Variants in RHOA observed in about 807,000 individuals in gnomAD.
RHOA encodes transforming protein RhoA.
RHOA carries 3 observed loss-of-function variants against 17.5 expected under a neutral mutation model. That is an observed-to-expected ratio of 0.17 (90% confidence interval 0.08 to 0.44). RHOA has a LOEUF of 0.44. RHOA is among the 20% of genes least tolerant of loss of function. The pLI, the probability that RHOA is intolerant of heterozygous loss-of-function variation, is 0.99. For synonymous variants in RHOA, 98 were observed against 88.4 expected (o/e 1.11, Z -0.61); for missense variants, 56 against 242.3 (o/e 0.23, Z 5.10).
intron 1 of RHOA, among the ~76,000 whole-genome samples, chr3:49,392,151 A>G (rs1206267963): frequency 6.6e-6 from 1 of 152,112 alleles, no homozygotes; most frequent in Non-Finnish European, 1.5e-5. Flanking sequence ...TTAAAAAAAC[A>G]AACAAAAACA....
At position 49,359,948 on chromosome 3, in the gene RHOA, T is replaced by C. The variant is rs1384791964; in HGVS notation, c.*261A>G. 5.1e-6 allele frequency: 2 copies of C among 394,068 alleles called. No homozygotes were observed. The highest frequency in any genetic ancestry group is 2.1e-5 in the African/African-American group (1 of 48,528). 24.4% of individuals were successfully genotyped at this position (394,068 alleles called of 1,614,324 possible). On this transcript the variant is annotated 3_prime_UTR_variant, in exon 5 of 5. Transcript: ENST00000418115. ...TAGAAAGAAGCAAGAAGTTAAGAAA[T>C]TCCTTGAATTAGCGCCTGGTGTGTC...
chr3:49,372,027 C>T (rs866600510), intron 2 of RHOA, among the ~76,000 whole-genome samples: 2 of 152,218 alleles, frequency 1.3e-5, no homozygotes, highest in African/African-American at 4.8e-5. Flanking sequence ...TATACATTCA[C>T]TACTAGGCTT....
At chr3:49,388,287 C>T (rs1240450112) in intron 1 of RHOA, among the ~76,000 whole-genome samples, 4 of 152,112 alleles carry the variant, frequency 2.6e-5, no homozygotes, top group South Asian at 2.1e-4. Flanking sequence ...GTGACCCACC[C>T]GCCTCTGTCT....
intron 3 of RHOA, chr3:49,366,822 CACTA>C (rs1201301781): frequency 1.3e-5 from 2 of 152,054 alleles, no homozygotes; most frequent in African/African-American, 4.8e-5. Flanking sequence ...ATCACTCTAA[CACTA>C]ACTATCCAGG....
chr3:49,402,011 G>A (rs1221220826), intron 1 of RHOA, among the ~76,000 whole-genome samples: 2 of 152,162 alleles, frequency 1.3e-5, no homozygotes, highest in Non-Finnish European at 2.9e-5. Context: ...GCAGGAATAA[G>A]GCACATGGTG....
Position 49,360,155 on chromosome 3 carries a change from T to G in RHOA, c.*54A>C, listed in dbSNP as rs1428047645. ...AAGGCCAGTAATCATACACTAAGAT[T>G]AATAAACAGCACTTCAAAATTAACC... is the stretch of plus-strand genomic sequence containing the variant. On this transcript the variant is annotated 3_prime_UTR_variant, in exon 5 of 5. Coordinates refer to ENST00000418115, the MANE Select transcript of RHOA (RefSeq NM_001664.4). The G allele has an allele frequency of 3.9e-6, 6 of 1,528,140 alleles. No homozygotes were observed. The highest frequency in any genetic ancestry group is 4.1e-5 in the Admixed American group (2 of 48,648). 94.7% of individuals were successfully genotyped at this position (1,528,140 alleles called of 1,614,324 possible).
chr3:49,397,359 T>C (rs971144656), intron 1 of RHOA, among the ~76,000 whole-genome samples: 1 of 152,096 alleles, frequency 6.6e-6, no homozygotes, highest in Non-Finnish European at 1.5e-5. Context: ...GGGTTTCTTT[T>C]TGAGGTGATA....
chr3:49,402,503 A>C (rs1356960278), intron 1 of RHOA, among the ~76,000 whole-genome samples: 2 of 151,648 alleles, frequency 1.3e-5, no homozygotes, highest in East Asian at 3.9e-4. Context: ...GCAAAACGTC[A>C]TCTCTATAAA....
At chr3:49,380,152 C>T (rs1198500043) in intron 1 of RHOA, among the ~76,000 whole-genome samples, 1 of 152,144 alleles carries the variant, frequency 6.6e-6, no homozygotes, top group Non-Finnish European at 1.5e-5. Flanking sequence ...TTATCCTCCT[C>T]CTTTCCTGCT....
At chr3:49,385,256 T>C (rs1334663203) in intron 1 of RHOA, among the ~76,000 whole-genome samples, 1 of 147,814 alleles carries the variant, frequency 6.8e-6, no homozygotes, top group East Asian at 2.1e-4. Context: ...AGTCTTACTC[T>C]GTCGCCCAGG....
At chr3:49,368,671 A>G in intron 2 of RHOA, 123 bp from the exon 3 acceptor site, 1 of 963,762 alleles carries the variant, frequency 1.0e-6, no homozygotes, top group Non-Finnish European at 1.6e-6. Context: ...GGTCTAAAAC[A>G]GTAAAACACA....
intron 1 of RHOA, among the ~76,000 whole-genome samples, chr3:49,406,151 T>C (rs1399548773): frequency 6.6e-6 from 1 of 152,138 alleles, no homozygotes; most frequent in African/African-American, 2.4e-5. Context: ...AATTATCTTG[T>C]AGAAAAAAGC....
At chr3:49,360,503 G>T in intron 4 of RHOA, 121 bp from the exon 5 acceptor site, 1 of 1,072,682 alleles carries the variant, frequency 9.3e-7, no homozygotes, top group Non-Finnish European at 1.3e-6. Flanking sequence ...TTTGCTCGTC[G>T]GTCGCCCAGG....
chr3:49,381,529 C>G (rs557723962), intron 1 of RHOA, among the ~76,000 whole-genome samples: 1 of 151,178 alleles, frequency 6.6e-6, no homozygotes. Flanking sequence ...GAGCTGAGAA[C>G]GCGCCACTGC....
chr3:49,411,205 C>CA (rs1473509236), intron 1 of RHOA, among the ~76,000 whole-genome samples: 1 of 151,976 alleles, frequency 6.6e-6, no homozygotes, highest in Non-Finnish European at 1.5e-5. Context: ...CCAAAGCTTT[C>CA]AGACGAGTTC....
At chr3:49,385,208 A>C (rs1312276633) in intron 1 of RHOA, among the ~76,000 whole-genome samples, 1 of 147,042 alleles carries the variant, frequency 6.8e-6, no homozygotes, top group Non-Finnish European at 1.5e-5. Flanking sequence ...CGCCTGGTCC[A>C]TTGCCCCCCT....
chr3:49,395,664 G>T (rs898773190), intron 1 of RHOA, among the ~76,000 whole-genome samples: 1 of 151,882 alleles, frequency 6.6e-6, no homozygotes, highest in Non-Finnish European at 1.5e-5. Context: ...AGTGAGCCAA[G>T]ATCACACCAC....
At chr3:49,361,096 AAAC>A (rs770979802) in intron 4 of RHOA, 6 of 176,162 alleles carry the variant, frequency 3.4e-5, no homozygotes, top group Non-Finnish European at 7.5e-5. Flanking sequence ...CAAAAAAAAA[AAAC>A]AACAAACTGC....
chr3:49,382,306 G>A lies in RHOA; in HGVS notation c.-2-6715C>T, dbSNP rs532961433. ...TGCACTCCAGCCTGGGTGACAGAGA[G>A]AGACTCCGTCTCAAAAATAAATAAA... On this transcript the variant is annotated intron_variant, in intron 1 of 4. Coordinates refer to ENST00000418115, the MANE Select transcript of RHOA (RefSeq NM_001664.4). Among the ~76,000 whole-genome samples the A allele has an allele frequency of 6.1e-5, 9 of 148,360 alleles. No homozygotes were observed. In the East Asian group the frequency reaches 1.6e-3, roughly 27 times the overall value.
Sources: allele counts gnomAD v4.1 joint callset (sites outside exome capture counted in the v4.1 genomes callset), GRCh38; gene constraint gnomAD v4.1.1; transcripts MANE v1.5; gene names NCBI Gene and HGNC (gene_info 2026-07-23, HGNC 2026-07-21).